Variants in AGBL2 observed in about 807,000 individuals in gnomAD.
AGBL2 encodes the protein AGBL carboxypeptidase 2.
A neutral mutation model predicts 103.0 loss-of-function variants in AGBL2; 87 were observed. The ratio of observed to expected loss-of-function variants is 0.84; its 90% CI spans 0.71 to 1.01. AGBL2 has a LOEUF of 1.01. Ranked by LOEUF, AGBL2 falls within the 50% of genes least tolerant of loss-of-function variation. AGBL2 has a pLI of 0.00. For missense variants in AGBL2, 904 were observed against 1,023.5 expected (o/e 0.88, Z 1.59); for synonymous variants, 335 against 356.7 (o/e 0.94, Z 0.69).
chr11:47,700,632 T>C (rs1349993964), intron 7 of AGBL2, among the ~76,000 whole-genome samples: 2 of 152,080 alleles, frequency 1.3e-5, no homozygotes, highest in East Asian at 3.9e-4. Context: ...ACATTTCCTT[T>C]ACGGAACTTG....
intron 11 of AGBL2, among the ~76,000 whole-genome samples, chr11:47,682,523 C>T (rs2097405189): frequency 6.6e-6 from 1 of 152,110 alleles, no homozygotes; most frequent in Admixed American, 6.6e-5. Flanking sequence ...CACTAGCCAA[C>T]CTTTCTAAGA....
chr11:47,670,415 G>C (rs372502942), intron 14 of AGBL2, among the ~76,000 whole-genome samples: 1 of 152,022 alleles, frequency 6.6e-6, no homozygotes, highest in African/African-American at 2.4e-5. Flanking sequence ...TGCCCAGGGG[G>C]TTGAGGCTGC....
In AGBL2 at chr11:47,710,672, T is replaced by C. The variant is rs1244909602; in HGVS notation, c.98-161A>G. 9.3e-5 allele frequency: 77 copies of C among 824,254 alleles called. No individual in the cohort carries two copies. In the East Asian group the frequency reaches 2.0e-3, roughly 21 times the overall value. 51.1% of individuals were successfully genotyped at this position (824,254 alleles called of 1,614,324 possible). A position where few individuals can be genotyped will look rare whatever the true frequency, so the allele number is the denominator to read the frequency against. ...CAAAGAGCTTTCATATTCCAACTTA[T>C]GTGAGTGAAGCATAATTATCCCCAC... On this transcript the variant is annotated intron_variant, in intron 3 of 18. Coordinates refer to ENST00000525123, the MANE Select transcript of AGBL2 (RefSeq NM_024783.4).
At chr11:47,668,984 C>T in intron 14 of AGBL2, 77 bp from the exon 15 acceptor site, 1 of 979,258 alleles carries the variant, frequency 1.0e-6, no homozygotes, top group Non-Finnish European at 1.6e-6. Flanking sequence ...ACCAGACCAG[C>T]TGTATGGGAT....
At chr11:47,667,262 C>A (rs2097343773) in intron 16 of AGBL2, among the ~76,000 whole-genome samples, 199 bp from the exon 17 acceptor site, 1 of 152,180 alleles carries the variant, frequency 6.6e-6, no homozygotes, top group African/African-American at 2.4e-5. Flanking sequence ...CCCCAGCCAT[C>A]CATCTACTCC....
chr11:47,703,893 C>G (rs997179530), intron 7 of AGBL2, among the ~76,000 whole-genome samples: 1 of 149,316 alleles, frequency 6.7e-6, no homozygotes, highest in African/African-American at 2.5e-5. Flanking sequence ...CCATTGCACT[C>G]CAGCCTGGGC....
In AGBL2 at chr11:47,690,245, G is replaced by T. The variant is rs778609218; in HGVS notation, c.1462C>A (p.Leu488Ile). 2 of 1,614,138 alleles carry T rather than the reference G, an allele frequency of 1.2e-6. No individual in the cohort carries two copies. The highest frequency in any genetic ancestry group is 1.7e-6 in the Non-Finnish European group (2 of 1,180,030). Residue 488 changes from leucine (L) to isoleucine (I), a missense_variant, in exon 10 of 19, where the codon CTC (leucine) becomes ATC (isoleucine). Coordinates refer to ENST00000525123, the MANE Select transcript of AGBL2 (RefSeq NM_024783.4). ...TTGAAGACAAAAATATCTCTGAGGA[G>T]CTGGGCATCTGGGGAGTTGCTAAGG... ...FILSNSPDAQ[L>I]LRDIFVFKVL...
chr11:47,697,814 G>A (rs955523146), intron 8 of AGBL2, among the ~76,000 whole-genome samples: 1 of 151,856 alleles, frequency 6.6e-6, no homozygotes, highest in Non-Finnish European at 1.5e-5. Flanking sequence ...CCAAAGTGCT[G>A]GGATTACAGG....
At chr11:47,669,206 T>A (rs893084993) in intron 14 of AGBL2, among the ~76,000 whole-genome samples, 1 of 152,202 alleles carries the variant, frequency 6.6e-6, no homozygotes, top group African/African-American at 2.4e-5. Context: ...CAACTGAGAC[T>A]ACAGGCTCAT....
At chr11:47,667,800 T>C (rs2097345402) in intron 15 of AGBL2, 104 bp from the exon 16 acceptor site, 1 of 1,265,162 alleles carries the variant, frequency 7.9e-7, no homozygotes, top group Admixed American at 2.2e-5. Context: ...GCTAACTCGG[T>C]ATGCAGATTT....
At chr11:47,674,025 G>A (rs1261240894) in intron 14 of AGBL2, among the ~76,000 whole-genome samples, 2 of 151,936 alleles carry the variant, frequency 1.3e-5, no homozygotes, top group African/African-American at 4.8e-5. Context: ...CTGGGAGACA[G>A]AGGTTGCAGT....
chr11:47,713,344 C>CAAA (rs71045506), intron 3 of AGBL2, among the ~76,000 whole-genome samples: 6 of 55,596 alleles, frequency 1.1e-4, no homozygotes, highest in Non-Finnish European at 2.1e-4. Context: ...GACTCTATCG[C>CAAA]AAAAAAAAAA....
At chr11:47,684,009 T>C (rs899171720) in intron 11 of AGBL2, among the ~76,000 whole-genome samples, 1 of 151,720 alleles carries the variant, frequency 6.6e-6, no homozygotes, top group African/African-American at 2.4e-5. Flanking sequence ...TCCCAACACT[T>C]TGGGAGACCA....
chr11:47,670,162 A>C (rs1205067797), intron 14 of AGBL2, among the ~76,000 whole-genome samples: 1 of 152,230 alleles, frequency 6.6e-6, no homozygotes, highest in East Asian at 1.9e-4. Context: ...TTTGTTTGAA[A>C]ACAAGGGATC....
At chr11:47,675,375 GTT>G (rs34044161) in intron 14 of AGBL2, among the ~76,000 whole-genome samples, 77 of 55,112 alleles carry the variant, frequency 1.4e-3, no homozygotes, top group Non-Finnish European at 1.9e-3. Flanking sequence ...CCCCTGCTAA[GTT>G]TTTTTTTTTT....
chr11:47,683,614 C>CA (rs199580134), intron 11 of AGBL2, among the ~76,000 whole-genome samples: 2 of 149,840 alleles, frequency 1.3e-5, no homozygotes, highest in South Asian at 2.1e-4. Flanking sequence ...ACTAAAAATA[C>CA]AAAAAAATTT....
chr11:47,662,706 C>T (rs777656519), intron 18 of AGBL2, among the ~76,000 whole-genome samples: 1 of 152,098 alleles, frequency 6.6e-6, no homozygotes, highest in African/African-American at 2.4e-5. Flanking sequence ...GTTGGCCAGG[C>T]TGGTCTTGAA....
chr11:47,691,725 AAAAAAT>A (rs1309871069), intron 9 of AGBL2, among the ~76,000 whole-genome samples: 1 of 5,316 alleles, frequency 1.9e-4, no homozygotes, highest in African/African-American at 4.7e-4. Context: ...AAAAAAAAAA[AAAAAAT>A]ATATATATAT....
intron 17 of AGBL2, among the ~76,000 whole-genome samples, chr11:47,664,317 G>A (rs567570871): frequency 4.6e-5 from 7 of 152,050 alleles, no homozygotes; most frequent in African/African-American, 1.7e-4. Flanking sequence ...CAGGATCACA[G>A]CTCACTGTAA....
Sources: allele counts gnomAD v4.1 joint callset (sites outside exome capture counted in the v4.1 genomes callset), GRCh38; gene constraint gnomAD v4.1.1; transcripts MANE v1.5; gene names NCBI Gene and HGNC (gene_info 2026-07-23, HGNC 2026-07-21).